Variants in RUNX1 observed in about 807,000 individuals in gnomAD.
RUNX1 encodes RUNX family transcription factor 1, also known as runt-related transcription factor 1.
RUNX1 carries 19 observed loss-of-function variants against 42.8 expected under a neutral mutation model. The ratio of observed to expected loss-of-function variants is 0.44; its 90% CI spans 0.31 to 0.65. RUNX1 has a LOEUF of 0.65. Ranked by LOEUF, RUNX1 falls within the 30% of genes least tolerant of loss-of-function variation. The pLI is 0.07. For synonymous variants in RUNX1, 271 were observed against 289.4 expected, an observed-to-expected ratio of 0.94 and a Z score of 0.64; for missense variants, 528 against 672.0, an observed-to-expected ratio of 0.79 and a Z score of 2.37.
At chr21:34,977,206 T>C (rs910072021) in intron 2 of RUNX1, among the ~76,000 whole-genome samples, 4 of 152,206 alleles carry the variant, frequency 2.6e-5, no homozygotes, top group African/African-American at 9.7e-5. Context: ...AAAGAAAAAT[T>C]TGAAAAATAA....
chr21:34,875,611 C>G (rs2057802741), intron 5 of RUNX1, among the ~76,000 whole-genome samples: 1 of 152,152 alleles, frequency 6.6e-6, no homozygotes, highest in South Asian at 2.1e-4. Context: ...ACCCGTGAAA[C>G]AACTCTGGGG....
rs529014350 is a variant in RUNX1 at position 34,911,901 on chromosome 21, G to A, written c.59-18938C>T. Among the ~76,000 whole-genome samples the A allele has an allele frequency of 1.1e-4, 16 of 152,086 alleles. No individual in the cohort carries two copies. In the South Asian group the frequency reaches 1.2e-3, roughly 12 times the overall value. ...CAGTTTTCCCCATGGCTGCTCAACC[G>A]TCATCTACTAAAGTAATGGGTAAAG... is the stretch of plus-strand genomic sequence containing the variant. On this transcript the variant is annotated intron_variant, in intron 2 of 8. Transcript: ENST00000675419.
chr21:34,993,575 GCA>G (rs200545300), intron 2 of RUNX1, among the ~76,000 whole-genome samples: 1 of 28,280 alleles, frequency 3.5e-5, no homozygotes, highest in Non-Finnish European at 7.8e-5. Context: ...ACACACACAG[GCA>G]CACACACAGA....
chr21:34,842,946 T>C (rs1168851017), intron 6 of RUNX1, among the ~76,000 whole-genome samples: 1 of 152,116 alleles, frequency 6.6e-6, no homozygotes, highest in African/African-American at 2.4e-5. Context: ...CACGTGCCTG[T>C]AGTCCCAGTT....
rs545117354 is a variant in RUNX1, at chr21:34,866,711, T to C, written c.509-7133A>G. Among the ~76,000 whole-genome samples, 47 of 152,312 alleles carry C rather than the reference T, an allele frequency of 3.1e-4. No homozygotes were observed. The Middle Eastern group carries it at 0.014, about 44-fold the overall frequency. ...GGATACAAATCCTTCAACTTGCACA[T>C]AATTTCCTGATTCTCCATGCTGAAT... On this transcript the variant is annotated intron_variant, in intron 5 of 8. Coordinates refer to ENST00000675419, the MANE Select transcript of RUNX1 (RefSeq NM_001754.5).
chr21:34,821,621 T>C, intron 7 of RUNX1: 1 of 1,556,240 alleles, frequency 6.4e-7, no homozygotes, highest in Non-Finnish European at 8.7e-7. Flanking sequence ...AAAAGATAGC[T>C]CTATCCTGGC....
chr21:34,850,718 T>C (rs1210366006), intron 6 of RUNX1, among the ~76,000 whole-genome samples: 2 of 151,966 alleles, frequency 1.3e-5, no homozygotes, highest in Non-Finnish European at 2.9e-5. Flanking sequence ...CATGCTATAC[T>C]AGAAAAGAAA....
At chr21:34,893,137 T>C (rs2058099145) in intron 2 of RUNX1, among the ~76,000 whole-genome samples, 174 bp from the exon 3 acceptor site, 1 of 152,138 alleles carries the variant, frequency 6.6e-6, no homozygotes, top group South Asian at 2.1e-4. Context: ...AGAAATAAAC[T>C]GTTCCTTATG....
intron 2 of RUNX1, among the ~76,000 whole-genome samples, chr21:34,968,476 C>T (rs1401871467): frequency 6.6e-6 from 1 of 152,146 alleles, no homozygotes; most frequent in Non-Finnish European, 1.5e-5. Context: ...AACTTATCCT[C>T]CACATCCTCA....
At chr21:34,872,331 G>A (rs2057750523) in intron 5 of RUNX1, among the ~76,000 whole-genome samples, 1 of 152,196 alleles carries the variant, frequency 6.6e-6, no homozygotes, top group South Asian at 2.1e-4. Context: ...GGTGGCTACA[G>A]TGGGGAGCCT....
At chr21:34,854,007 T>C (rs1277003120) in intron 6 of RUNX1, among the ~76,000 whole-genome samples, 2 of 151,962 alleles carry the variant, frequency 1.3e-5, no homozygotes, top group Non-Finnish European at 2.9e-5. Flanking sequence ...AGAGATGGGG[T>C]TTTCCTGTGT....
Position 34,793,128 on chromosome 21 carries a change from G to A in RUNX1, c.968-518C>T, listed in dbSNP as rs144989942. On this transcript the variant is annotated intron_variant, in intron 8 of 8. Coordinates refer to ENST00000675419, the MANE Select transcript of RUNX1 (RefSeq NM_001754.5). ...GATTGCTACCACCTGGGAGGATGGGGGCTACTGAGGATGCTGCTGCCTAGG... is the reference window on the plus strand; with the variant it reads ...GATTGCTACCACCTGGGAGGATGGGAGCTACTGAGGATGCTGCTGCCTAGG... Among the ~76,000 whole-genome samples, 48 of 150,978 alleles carry A rather than the reference G, an allele frequency of 3.2e-4. No homozygotes were observed. The East Asian group carries it at 9.2e-3, about 29-fold the overall frequency.
intron 6 of RUNX1, chr21:34,856,206 CCTTAA>C (rs1251463476): frequency 2.5e-6 from 1 of 401,284 alleles, no homozygotes; most frequent in Non-Finnish European, 5.0e-6. Context: ...CATTCTCAGT[CCTTAA>C]CTTAGTCAGC....
At chr21:34,889,205 C>A (rs1199657196) in intron 3 of RUNX1, among the ~76,000 whole-genome samples, 1 of 151,884 alleles carries the variant, frequency 6.6e-6, no homozygotes, top group Non-Finnish European at 1.5e-5. Context: ...CAGGGCCAGG[C>A]CTCCGCTTCC....
intron 2 of RUNX1, among the ~76,000 whole-genome samples, chr21:34,979,990 G>C (rs890475286): frequency 6.6e-6 from 1 of 152,208 alleles, no homozygotes; most frequent in African/African-American, 2.4e-5. Context: ...GGCCGAAAGC[G>C]AGCTACTTGC....
At chr21:34,900,443 G>A (rs181314324) in intron 2 of RUNX1, among the ~76,000 whole-genome samples, 1 of 152,288 alleles carries the variant, frequency 6.6e-6, no homozygotes, top group Admixed American at 6.5e-5. Context: ...CTGTTAGTGA[G>A]GACCACTAAA....
intron 4 of RUNX1, 72 bp downstream of exon 4, chr21:34,886,771 G>A (rs555657993): frequency 6.2e-7 from 1 of 1,606,174 alleles, no homozygotes; most frequent in Admixed American, 1.7e-5. Context: ...CCGCCTGGCC[G>A]CTGCCCTCGC....
intron 5 of RUNX1, among the ~76,000 whole-genome samples, chr21:34,867,031 A>G (rs1384832613): frequency 6.6e-6 from 1 of 152,210 alleles, no homozygotes; most frequent in African/African-American, 2.4e-5. Context: ...TTCTATGAAA[A>G]TGAGTTGTTT....
Position 34,989,012 on chromosome 21 carries a change from CTCTT to C in RUNX1, c.58+59826_58+59829del, listed in dbSNP as rs1022115402. Among the ~76,000 whole-genome samples, 28 of 145,038 alleles carry C rather than the reference CTCTT, an allele frequency of 1.9e-4. No homozygotes were observed. In the South Asian group the frequency reaches 3.1e-3, roughly 16 times the overall value. ...GGCCCAGATCTCTCTCTCTCTCTCT[CTCTT>C]TTTTTTTTTTTAGATGGAGTTTCAC... On this transcript the variant is annotated intron_variant, in intron 2 of 8. Coordinates refer to ENST00000675419, the MANE Select transcript of RUNX1 (RefSeq NM_001754.5).
Sources: gnomAD v4.1 joint callset for allele counts (sites outside exome capture counted in the v4.1 genomes callset) on GRCh38, gnomAD v4.1.1 for gene constraint, MANE v1.5 for transcripts, NCBI Gene and HGNC (gene_info 2026-07-23, HGNC 2026-07-21) for gene names.